RORA: variants seen among roughly 807,000 people sequenced by gnomAD.
RORA encodes the protein nuclear receptor ROR-alpha.
Under a neutral mutation model 69.5 loss-of-function variants are expected in RORA, and 7 were observed. That is an observed-to-expected ratio of 0.10 (90% CI 0.06 to 0.19). The LOEUF (loss-of-function observed/expected upper bound fraction) is 0.19. Ranked by LOEUF, RORA falls within the 10% of genes least tolerant of loss-of-function variation. RORA has a pLI of 1.00. For synonymous variants in RORA, 261 were observed against 240.8 expected (o/e 1.08, Z -0.78); for missense variants, 457 against 663.0 (o/e 0.69, Z 3.41).
At chr15:60,939,309 G>C (rs1000366001) in intron 1 of RORA, among the ~76,000 whole-genome samples, 3 of 152,128 alleles carry the variant, frequency 2.0e-5, no homozygotes, top group African/African-American at 4.8e-5. Context: ...AGGTCCAACT[G>C]TCTGGGCCAG....
At chr15:61,214,278 A>G (rs1012377291) in intron 1 of RORA, 5 of 152,236 alleles carry the variant, frequency 3.3e-5, no homozygotes, top group African/African-American at 1.2e-4. Context: ...TATGATATTG[A>G]TGCTTTTTCA....
At chr15:61,044,169 C>CTTG (rs1896916152) in intron 1 of RORA, among the ~76,000 whole-genome samples, 1 of 152,152 alleles carries the variant, frequency 6.6e-6, no homozygotes, top group Non-Finnish European at 1.5e-5. Context: ...AGAGACTGTG[C>CTTG]TTGTGTCCTG....
At chr15:60,637,662 T>G (rs1204423056) in intron 2 of RORA, among the ~76,000 whole-genome samples, 1 of 152,200 alleles carries the variant, frequency 6.6e-6, no homozygotes, top group Non-Finnish European at 1.5e-5. Flanking sequence ...TTATTACTTT[T>G]TCCCCACAGC....
intron 1 of RORA, among the ~76,000 whole-genome samples, chr15:60,710,682 A>G (rs915184709): frequency 2.6e-5 from 4 of 152,062 alleles, no homozygotes; most frequent in Admixed American, 2.0e-4. Context: ...CCTGGCATGC[A>G]TTTACTCACA....
chr15:60,746,412 C>T (rs2071649389), intron 1 of RORA, among the ~76,000 whole-genome samples: 1 of 151,946 alleles, frequency 6.6e-6, no homozygotes, highest in South Asian at 2.1e-4. Context: ...TCACCGCTTA[C>T]AACTACATGG....
chr15:60,897,072 C>T (rs1027036106), intron 1 of RORA, among the ~76,000 whole-genome samples: 3 of 151,928 alleles, frequency 2.0e-5, no homozygotes, highest in South Asian at 2.1e-4. Context: ...GGGTGGGAGA[C>T]GTTTTCGATG....
intron 2 of RORA, among the ~76,000 whole-genome samples, chr15:60,540,846 T>A (rs2066849807): frequency 6.6e-6 from 1 of 152,180 alleles, no homozygotes; most frequent in African/African-American, 2.4e-5. Context: ...TTTACATCCC[T>A]CTATAGCAAG....
intron 1 of RORA, among the ~76,000 whole-genome samples, chr15:60,706,768 A>G (rs1422823811): frequency 1.3e-5 from 2 of 152,186 alleles, no homozygotes; most frequent in African/African-American, 4.8e-5. Context: ...ACCTTAAAAT[A>G]AAAGCCGAAG....
intron 1 of RORA, among the ~76,000 whole-genome samples, chr15:60,912,952 T>C (rs1271594932): frequency 6.6e-6 from 1 of 152,202 alleles, no homozygotes; most frequent in Non-Finnish European, 1.5e-5. Context: ...TATTTAATGA[T>C]TTTTAGTAAA....
chr15:60,607,847 T>A (rs2068987630), intron 2 of RORA, among the ~76,000 whole-genome samples: 1 of 152,156 alleles, frequency 6.6e-6, no homozygotes, highest in African/African-American at 2.4e-5. Context: ...GCAAGTTCAA[T>A]GGGAAAAAAA....
At chr15:60,733,232 C>T (rs1448619421) in intron 1 of RORA, among the ~76,000 whole-genome samples, 2 of 152,208 alleles carry the variant, frequency 1.3e-5, no homozygotes, top group Non-Finnish European at 1.5e-5. Flanking sequence ...TCTTCTCCCC[C>T]TGCTTTCTTG....
chr15:60,499,811 G>T, intron 10 of RORA, 81 bp downstream of exon 10: 1 of 741,138 alleles, frequency 1.3e-6, no homozygotes, highest in South Asian at 1.8e-5. Context: ...TTGGTCATAT[G>T]ACTTACATGA....
chr15:60,913,327 T>C (rs910396217), intron 1 of RORA, among the ~76,000 whole-genome samples: 4 of 152,200 alleles, frequency 2.6e-5, no homozygotes, highest in African/African-American at 9.7e-5. Flanking sequence ...GTTACACCTC[T>C]GGTTTCTAGA....
In RORA at chr15:61,078,861, A is replaced by G. The variant is rs189120250; in HGVS notation, c.166+150192T>C. On this transcript the variant is annotated intron_variant, in intron 1 of 10. Transcript: ENST00000335670. Reference sequence around the variant, plus strand: ...GGAATCAGGGGCTTAAATGTCTGCCACATATTGGACAATGATCTGATTGTT... The same window carrying G: ...GGAATCAGGGGCTTAAATGTCTGCCGCATATTGGACAATGATCTGATTGTT... Among the ~76,000 whole-genome samples, 870 of 152,300 alleles carry G rather than the reference A, an allele frequency of 5.7e-3. 6 individuals carry two copies. Among genetic ancestry groups the G allele is most frequent in the Non-Finnish European group, 9.2e-3 (628 of 68,026 alleles).
intron 1 of RORA, among the ~76,000 whole-genome samples, chr15:60,995,944 C>T (rs1431030656): frequency 2.0e-5 from 3 of 152,098 alleles, no homozygotes; most frequent in African/African-American, 7.2e-5. Flanking sequence ...ATCAAATTGT[C>T]CCCTTTCCAG....
At chr15:60,501,362 T>C (rs1201306238) in intron 8 of RORA, among the ~76,000 whole-genome samples, 9 of 152,250 alleles carry the variant, frequency 5.9e-5, no homozygotes, top group Admixed American at 2.0e-4. Context: ...ATTGAACTTT[T>C]GTTGTGTGAC....
intron 1 of RORA, among the ~76,000 whole-genome samples, chr15:60,750,082 T>C (rs2071702736): frequency 6.6e-6 from 1 of 152,224 alleles, no homozygotes; most frequent in Non-Finnish European, 1.5e-5. Flanking sequence ...CAAGTATTTT[T>C]CATTTATTAT....
At chr15:60,605,787 A>T (rs1310807212) in intron 2 of RORA, among the ~76,000 whole-genome samples, 1 of 152,212 alleles carries the variant, frequency 6.6e-6, no homozygotes, top group Non-Finnish European at 1.5e-5. Context: ...CCTAACTTAC[A>T]TTTATATTAA....
intron 1 of RORA, among the ~76,000 whole-genome samples, chr15:61,012,831 G>T (rs1455233883): frequency 1.3e-5 from 2 of 152,064 alleles, no homozygotes; most frequent in Admixed American, 6.5e-5. Context: ...TGTAATTTTT[G>T]TAGAGATGGA....
Sources: gnomAD v4.1 joint callset for allele counts (sites outside exome capture counted in the v4.1 genomes callset) on GRCh38, gnomAD v4.1.1 for gene constraint, MANE v1.5 for transcripts, NCBI Gene and HGNC (gene_info 2026-07-23, HGNC 2026-07-21) for gene names.